Variants in ALG6 observed in about 807,000 individuals in gnomAD.
The protein encoded by ALG6 is dolichyl pyrophosphate Man9GlcNAc2 alpha-1,3-glucosyltransferase.
ALG6 carries 46 observed loss-of-function variants against 66.6 expected under a neutral mutation model. The observed-to-expected ratio is 0.69, with a 90% CI of 0.55 to 0.88. The LOEUF is 0.88. ALG6 is among the 40% of genes least tolerant of loss of function. ALG6 has a pLI of 0.00. For missense variants in ALG6, 505 were observed against 586.8 expected (o/e 0.86, Z 1.44); for synonymous variants, 185 against 203.7 (o/e 0.91, Z 0.78).
At chr1:63,384,207 CATT>C (rs1229914615) in intron 2 of ALG6, among the ~76,000 whole-genome samples, 1 of 152,136 alleles carries the variant, frequency 6.6e-6, no homozygotes, top group African/African-American at 2.4e-5. Context: ...GATGATGTCT[CATT>C]GTAGTTTTGA....
At chr1:63,407,912 G>GT (rs1319485051) in intron 7 of ALG6, among the ~76,000 whole-genome samples, 4 of 151,980 alleles carry the variant, frequency 2.6e-5, no homozygotes, top group Non-Finnish European at 5.9e-5. Flanking sequence ...TACTAATTTA[G>GT]TTTTTTAAAA....
intron 2 of ALG6, among the ~76,000 whole-genome samples, chr1:63,394,795 G>A (rs751470423): frequency 7.2e-5 from 11 of 152,146 alleles, no homozygotes; most frequent in Non-Finnish European, 1.6e-4. Context: ...AGACTTTGCT[G>A]CTTATTACGT....
intron 12 of ALG6, among the ~76,000 whole-genome samples, chr1:63,426,815 A>T (rs1046055716): frequency 6.6e-6 from 1 of 152,180 alleles, no homozygotes; most frequent in African/African-American, 2.4e-5. Context: ...AAGTGCCAGG[A>T]TTACAGTTGT....
At chr1:63,408,084 C>T (rs1644498742) in intron 7 of ALG6, among the ~76,000 whole-genome samples, 1 of 152,098 alleles carries the variant, frequency 6.6e-6, no homozygotes, top group African/African-American at 2.4e-5. Flanking sequence ...ATGTACAGCT[C>T]AGTGAGTTGG....
rs572156973 is a variant in ALG6, at chr1:63,372,909, C to T, written c.82+1850C>T. ...TCCTGACCTCGTGATCTGCCTGCCT[C>T]GGCCTCCTGAAGTGCTGGGATTACA... is the stretch of plus-strand genomic sequence containing the variant. On this transcript the variant is annotated intron_variant, in intron 2 of 14. Transcript: ENST00000263440. 2.8e-4 allele frequency among the ~76,000 whole-genome samples: 42 copies of T among 152,194 alleles called. No individual in the cohort carries two copies. In the South Asian group the frequency reaches 7.5e-3, roughly 27 times the overall value.
At chr1:63,430,418 G>A (rs1427693372) in intron 14 of ALG6, among the ~76,000 whole-genome samples, 1 of 152,116 alleles carries the variant, frequency 6.6e-6, no homozygotes, top group East Asian at 1.9e-4. Context: ...GTGTATACCT[G>A]GGAGTAGAAT....
intron 2 of ALG6, among the ~76,000 whole-genome samples, chr1:63,388,481 A>G (rs1439965163): frequency 6.6e-6 from 1 of 152,204 alleles, no homozygotes; most frequent in Admixed American, 6.5e-5. Context: ...CAAAAACTCT[A>G]CACTTTATTC....
At chr1:63,432,094 A>G (rs1570093338) in intron 14 of ALG6, among the ~76,000 whole-genome samples, 1 of 152,202 alleles carries the variant, frequency 6.6e-6, no homozygotes, top group South Asian at 2.1e-4. Flanking sequence ...TTAGAGGGAA[A>G]GCATCTGGTC....
intron 4 of ALG6, among the ~76,000 whole-genome samples, chr1:63,403,796 A>G (rs1209987293): frequency 6.6e-6 from 1 of 152,182 alleles, no homozygotes; most frequent in Non-Finnish European, 1.5e-5. Context: ...GTATATTTAA[A>G]CATATCAACA....
intron 11 of ALG6, 129 bp downstream of exon 11, chr1:63,416,086 G>A: frequency 1.4e-6 from 1 of 729,854 alleles, no homozygotes. Context: ...GACATTTATT[G>A]GATGTTTCCC....
At chr1:63,391,071 C>G (rs879615432) in intron 2 of ALG6, among the ~76,000 whole-genome samples, 2 of 152,182 alleles carry the variant, frequency 1.3e-5, no homozygotes, top group Non-Finnish European at 2.9e-5. Flanking sequence ...TTTGGCCATC[C>G]TGCTCTGCCT....
intron 3 of ALG6, 128 bp from the exon 4 acceptor site, chr1:63,402,126 A>T: frequency 1.4e-6 from 1 of 715,056 alleles, no homozygotes; most frequent in Non-Finnish European, 2.4e-6. Flanking sequence ...TGGCTTAATT[A>T]TTAATAGCTT....
chr1:63,423,713 A>ACACTACATTTTGTT (rs1553156606), intron 12 of ALG6, among the ~76,000 whole-genome samples: 2 of 152,198 alleles, frequency 1.3e-5, no homozygotes, highest in African/African-American at 4.8e-5. Context: ...TTGTATCGAT[A>ACACTACATTTTGTT]CACTACATTT....
chr1:63,400,589 A>G (rs972577381), intron 3 of ALG6, among the ~76,000 whole-genome samples: 1 of 151,656 alleles, frequency 6.6e-6, no homozygotes, highest in Non-Finnish European at 1.5e-5. Flanking sequence ...ATATCATTGC[A>G]TGCTTGCAGC....
intron 2 of ALG6, among the ~76,000 whole-genome samples, chr1:63,373,658 ATTTT>A (rs34012518): frequency 2.3e-5 from 3 of 131,266 alleles, no homozygotes; most frequent in Non-Finnish European, 3.2e-5. Flanking sequence ...TTTAATTTAC[ATTTT>A]TTTTTTTTTT....
intron 10 of ALG6, among the ~76,000 whole-genome samples, chr1:63,415,626 G>A (rs1012398815): frequency 2.6e-5 from 4 of 151,952 alleles, no homozygotes; most frequent in African/African-American, 9.7e-5. Context: ...AATAACAGAA[G>A]CAATATTTAG....
Position 63,411,378 on chromosome 1 carries a change from T to G in ALG6, c.680+47T>G, listed in dbSNP as rs1177955759. 3.2e-6 allele frequency: 5 copies of G among 1,548,832 alleles called. No individual in the cohort carries two copies. In the African/African-American group the frequency reaches 6.8e-5, roughly 21 times the overall value. On this transcript the variant is annotated intron_variant, in intron 8 of 14. Transcript: ENST00000263440. ...GAATCCAAAAATTTACTTCAGATAATTTTTTTGGCATACTTACTTGCAGTA... is the reference window on the plus strand; with the variant it reads ...GAATCCAAAAATTTACTTCAGATAAGTTTTTTGGCATACTTACTTGCAGTA...
intron 3 of ALG6, among the ~76,000 whole-genome samples, chr1:63,397,278 T>C (rs1648854165): frequency 1.3e-5 from 2 of 152,018 alleles, no homozygotes; most frequent in Admixed American, 1.3e-4. Flanking sequence ...CTCTGCTGCC[T>C]GGGTTCAAGC....
intron 2 of ALG6, among the ~76,000 whole-genome samples, chr1:63,392,602 A>T (rs573168051): frequency 1.3e-5 from 2 of 152,362 alleles, no homozygotes; most frequent in South Asian, 4.1e-4. Context: ...AAACATAATT[A>T]TGAATAGTTC....
Sources: gnomAD v4.1 joint callset for allele counts (sites outside exome capture counted in the v4.1 genomes callset) on GRCh38, gnomAD v4.1.1 for gene constraint, MANE v1.5 for transcripts, NCBI Gene and HGNC (gene_info 2026-07-23, HGNC 2026-07-21) for gene names.